The following KCNJ6 variants were observed in gnomAD, a reference collection of about 807,000 sequenced individuals.
KCNJ6 encodes potassium inwardly rectifying channel subfamily J member 6, also known as G protein-activated inward rectifier potassium channel 2.
A neutral mutation model predicts 34.2 loss-of-function variants in KCNJ6; 9 were observed. The ratio of observed to expected loss-of-function variants is 0.26; its 90% CI spans 0.16 to 0.46. The LOEUF (loss-of-function observed/expected upper bound fraction) is 0.46, where lower values mean the gene tolerates loss of function less well. Among genes scored for constraint, KCNJ6 ranks in the 20% least tolerant of loss-of-function variants. The pLI, the probability that KCNJ6 is intolerant of heterozygous loss-of-function variation, is 1.00. For synonymous variants in KCNJ6, 196 were observed against 207.1 expected, an observed-to-expected ratio of 0.95 and a Z score of 0.46; for missense variants, 236 against 531.3, an observed-to-expected ratio of 0.44 and a Z score of 5.46.
intron 1 of KCNJ6, among the ~76,000 whole-genome samples, chr21:37,892,081 A>G (rs1775338532): frequency 6.6e-6 from 1 of 152,232 alleles, no homozygotes; most frequent in African/African-American, 2.4e-5. Flanking sequence ...AATGGTTCTC[A>G]ACCCTGGCTG....
At chr21:37,720,702 CTTTTTTTT>C in intron 2 of KCNJ6, among the ~76,000 whole-genome samples, 1 of 129,518 alleles carries the variant, frequency 7.7e-6, no homozygotes, top group Non-Finnish European at 1.6e-5. Context: ...ATTTTCTTTT[CTTTTTTTT>C]TTTTTTTTGA....
rs34826537 is a variant in KCNJ6, at chr21:37,607,463, G to GATATATATATATATATATATATATATAT, written c.*17695_*17696insATATATATATATATATATATATATATAT. 25 of 128,702 alleles carry GATATATATATATATATATATATATATAT rather than the reference G, an allele frequency of 1.9e-4. No individual in the cohort carries two copies. Among genetic ancestry groups the GATATATATATATATATATATATATATAT allele is most frequent in the East Asian group, 5.1e-4 (2 of 3,892 alleles). 8.0% of individuals were successfully genotyped at this position (128,702 alleles called of 1,614,324 possible). On this transcript the variant is annotated 3_prime_UTR_variant, in exon 4 of 4. Coordinates refer to ENST00000609713, the MANE Select transcript of KCNJ6 (RefSeq NM_002240.5). ...TTCCCTAACACAGCGAGTTCTTAAA[G>GATATATATATATATATATATATATATAT]ATATATATATATATATATATTTTTT...
intron 2 of KCNJ6, among the ~76,000 whole-genome samples, chr21:37,795,074 A>G (rs1182254735): frequency 1.3e-5 from 2 of 152,130 alleles, no homozygotes; most frequent in African/African-American, 2.4e-5. Flanking sequence ...AAATTCAAAC[A>G]TTGCTCTACA....
chr21:37,815,450 G>A (rs548462177), intron 2 of KCNJ6, among the ~76,000 whole-genome samples: 66 of 152,346 alleles, frequency 4.3e-4, no homozygotes, highest in African/African-American at 1.6e-3. Context: ...GGGAGGGGGA[G>A]AAGAATGGGT....
Position 37,648,179 on chromosome 21 carries a change from C to T in KCNJ6, c.947-22695G>A, listed in dbSNP as rs545488444. On this transcript the variant is annotated intron_variant, in intron 3 of 3. Transcript: ENST00000609713. Reference sequence around the variant, plus strand: ...CATTTCTGAGCATGCAGGTGTAAAACGGGGGAGGAATCTACAGGGGAGGAG... The same window carrying T: ...CATTTCTGAGCATGCAGGTGTAAAATGGGGGAGGAATCTACAGGGGAGGAG... 5.3e-4 allele frequency among the ~76,000 whole-genome samples: 80 copies of T among 152,070 alleles called. 1 individual carries two copies. Among genetic ancestry groups the T allele is most frequent in the Non-Finnish European group, 2.9e-4 (20 of 67,982 alleles).
At chr21:37,863,384 G>A (rs549915933) in intron 1 of KCNJ6, among the ~76,000 whole-genome samples, 1 of 151,974 alleles carries the variant, frequency 6.6e-6, no homozygotes, top group Non-Finnish European at 1.5e-5. Context: ...AATATTGATG[G>A]GTATCGCACA....
chr21:37,674,246 ATC>A (rs1359545045), intron 3 of KCNJ6, among the ~76,000 whole-genome samples: 1 of 152,044 alleles, frequency 6.6e-6, no homozygotes, highest in African/African-American at 2.4e-5. Flanking sequence ...TGACCAACTA[ATC>A]TCTGTTTGCC....
At chr21:37,814,896 CAAAA>C (rs3061049) in intron 2 of KCNJ6, among the ~76,000 whole-genome samples, 3 of 69,206 alleles carry the variant, frequency 4.3e-5, no homozygotes, top group Non-Finnish European at 9.0e-5. Context: ...GACTCTGTCT[CAAAA>C]AAAAAAAAAA....
chr21:37,800,794 C>G (rs1033632418), intron 2 of KCNJ6, among the ~76,000 whole-genome samples: 1 of 152,212 alleles, frequency 6.6e-6, no homozygotes, highest in Non-Finnish European at 1.5e-5. Context: ...ATGTACCCCC[C>G]GCCAAGAGGG....
At chr21:37,727,791 C>G (rs1343892565) in intron 2 of KCNJ6, among the ~76,000 whole-genome samples, 1 of 152,008 alleles carries the variant, frequency 6.6e-6, no homozygotes, top group Non-Finnish European at 1.5e-5. Context: ...AGACAGTTCT[C>G]TTAGGGTTTG....
intron 1 of KCNJ6, among the ~76,000 whole-genome samples, chr21:37,887,210 C>G (rs942322574): frequency 2.0e-5 from 3 of 152,142 alleles, no homozygotes; most frequent in Admixed American, 6.5e-5. Context: ...TTAGACCAAC[C>G]TTGTAAAGAA....
intron 2 of KCNJ6, among the ~76,000 whole-genome samples, chr21:37,829,203 G>C (rs920083480): frequency 1.3e-5 from 2 of 151,590 alleles, no homozygotes; most frequent in African/African-American, 4.8e-5. Context: ...CGGGCTCTTG[G>C]AGCCAGGTGG....
rs958388689 is a variant in KCNJ6 at position 37,613,567 on chromosome 21, A to G, written c.*11592T>C. The G allele has an allele frequency of 3.3e-5, 5 of 152,216 alleles. No individual in the cohort carries two copies. The highest frequency in any genetic ancestry group is 7.3e-5 in the Non-Finnish European group (5 of 68,038). 9.4% of individuals were successfully genotyped at this position (152,216 alleles called of 1,614,324 possible). A position where few individuals can be genotyped will look rare whatever the true frequency, so the allele number is the denominator to read the frequency against. ...AAATAAACAGTGGTACATCCAGAAA[A>G]TGGATGAGTGTTTGGTGCTAAAAAA... On this transcript the variant is annotated 3_prime_UTR_variant, in exon 4 of 4. Coordinates refer to ENST00000609713, the MANE Select transcript of KCNJ6 (RefSeq NM_002240.5).
At chr21:37,661,618 T>TTTTTTTTTTG (rs2054489160) in intron 3 of KCNJ6, among the ~76,000 whole-genome samples, 1 of 99,016 alleles carries the variant, frequency 1.0e-5, no homozygotes, top group African/African-American at 5.3e-5. Flanking sequence ...GACATAGTTT[T>TTTTTTTTTTG]TTTTTTTTTT....
chr21:37,778,684 G>A (rs796666798), intron 2 of KCNJ6, among the ~76,000 whole-genome samples: 2 of 140,824 alleles, frequency 1.4e-5, no homozygotes, highest in African/African-American at 2.7e-5. Context: ...GTGTGTATCC[G>A]TGTGCTGTGT....
At chr21:37,853,116 A>G (rs1422221440) in intron 1 of KCNJ6, among the ~76,000 whole-genome samples, 2 of 151,352 alleles carry the variant, frequency 1.3e-5, no homozygotes, top group African/African-American at 2.4e-5. Flanking sequence ...AAAGTATTCA[A>G]GGGAATAATG....
intron 2 of KCNJ6, among the ~76,000 whole-genome samples, chr21:37,721,281 G>T (rs1052470336): frequency 3.9e-5 from 6 of 152,230 alleles, no homozygotes; most frequent in African/African-American, 1.2e-4. Flanking sequence ...AATAGCAAGT[G>T]TTGGCAGGAT....
intron 2 of KCNJ6, among the ~76,000 whole-genome samples, chr21:37,785,244 T>C (rs1403364334): frequency 6.6e-6 from 1 of 152,222 alleles, no homozygotes; most frequent in East Asian, 1.9e-4. Context: ...TTAATGTGAC[T>C]TTTTGTGCCC....
intron 3 of KCNJ6, among the ~76,000 whole-genome samples, chr21:37,649,177 A>G (rs1042734458): frequency 8.7e-5 from 13 of 149,376 alleles, no homozygotes; most frequent in Non-Finnish European, 8.9e-5. Flanking sequence ...AAGGGAGTTT[A>G]TAAATCACTG....
Sources: allele counts gnomAD v4.1 joint callset (sites outside exome capture counted in the v4.1 genomes callset), GRCh38; gene constraint gnomAD v4.1.1; transcripts MANE v1.5; gene names NCBI Gene and HGNC (gene_info 2026-07-23, HGNC 2026-07-21).